The following FN1 variants were observed in gnomAD, a reference collection of about 807,000 sequenced individuals.
FN1 encodes the protein fibronectin.
In FN1, 106 loss-of-function variants were observed where a neutral mutation model predicts 297.3. The ratio of observed to expected loss-of-function variants is 0.36; its 90% CI spans 0.30 to 0.42. The LOEUF is 0.42. Ranked by LOEUF, FN1 falls within the 10% of genes least tolerant of loss-of-function variation. FN1 has a pLI of 1.00. For synonymous variants in FN1, 1,149 were observed against 1,152.6 expected, an observed-to-expected ratio of 1.00 and a Z score of 0.06; for missense variants, 2,690 against 3,124.9, an observed-to-expected ratio of 0.86 and a Z score of 3.32.
At chr2:215,415,021 G>A in intron 12 of FN1, 63 bp from the exon 13 acceptor site, 1 of 1,261,478 alleles carries the variant, frequency 7.9e-7, no homozygotes, top group Non-Finnish European at 1.2e-6. Flanking sequence ...TTAAAACTGT[G>A]TACATGGACA....
At chr2:215,399,908 C>T (rs189348939) in intron 20 of FN1, among the ~76,000 whole-genome samples, 9 of 152,134 alleles carry the variant, frequency 5.9e-5, no homozygotes, top group Admixed American at 2.6e-4. Context: ...TTATGCTGGG[C>T]GGGGATCGGT....
intron 36 of FN1, 84 bp downstream of exon 36, chr2:215,376,414 G>T (rs1034790195): frequency 8.3e-7 from 1 of 1,207,334 alleles, no homozygotes; most frequent in Non-Finnish European, 1.2e-6. Context: ...AATTTTATCA[G>T]TGTCAGTCGT....
At chr2:215,392,068 C>A in intron 25 of FN1, 2 of 467,974 alleles carry the variant, frequency 4.3e-6, no homozygotes, top group East Asian at 8.2e-5. Context: ...AATCTACTTT[C>A]AAATATGTTG....
Position 215,408,311 on chromosome 2 carries a change from A to G in FN1, c.2415T>C (p.Thr805=). 2 of 1,614,220 alleles carry G rather than the reference A, an allele frequency of 1.2e-6. No homozygotes were observed. The highest frequency in any genetic ancestry group is 1.7e-6 in the Non-Finnish European group (2 of 1,180,032). ...EDGEQSLILS[T]SQTTAPDAPP... The stretch of plus-strand genomic sequence containing the variant: ...GCACACATGTACCTGTTGTTTGTGA[A>G]GTAGACAGGATCAAACTCTGCTCCC... The change falls in exon 16 of 46, where the codon ACT becomes ACC. Residue 805 remains threonine (T), a synonymous_variant. Transcript: ENST00000354785.
chr2:215,390,804 CATT>C (rs2059628267), intron 26 of FN1, among the ~76,000 whole-genome samples: 1 of 152,150 alleles, frequency 6.6e-6, no homozygotes, highest in South Asian at 2.1e-4. Flanking sequence ...CTTTGTGTTT[CATT>C]ATCTAAATTA....
At chr2:215,380,753 C>G in intron 33 of FN1, 58 bp downstream of exon 33, 1 of 1,589,624 alleles carries the variant, frequency 6.3e-7, no homozygotes. Flanking sequence ...ATAATTCATT[C>G]AGTAGGGCAT....
intron 40 of FN1, 25 bp from the exon 41 acceptor site, chr2:215,370,457 CAG>C (rs1246062705): frequency 2.5e-6 from 4 of 1,605,704 alleles, no homozygotes; most frequent in South Asian, 1.1e-5. Context: ...ACATCCAAAG[CAG>C]AGAGAAAGCA....
At chr2:215,364,045 C>T (rs542866816) in intron 44 of FN1, among the ~76,000 whole-genome samples, 63 of 152,334 alleles carry the variant, frequency 4.1e-4, no homozygotes, top group African/African-American at 1.4e-3. Context: ...CATCGTAAAC[C>T]TCAGCCAGTT....
At chr2:215,392,438 T>G (rs1170732384) in intron 25 of FN1, 1 of 189,100 alleles carries the variant, frequency 5.3e-6, no homozygotes, top group Non-Finnish European at 1.1e-5. Context: ...AGTTTACTTT[T>G]CTCCTACCTC....
chr2:215,379,411 G>A, intron 33 of FN1, 94 bp from the exon 34 acceptor site: 1 of 1,145,992 alleles, frequency 8.7e-7, no homozygotes, highest in Non-Finnish European at 1.3e-6. Flanking sequence ...GATTGTTCTT[G>A]TTGGGCTAGG....
Position 215,369,297 on chromosome 2 carries a change from G to A in FN1, c.6853+997C>T, listed in dbSNP as rs554311483. Among the ~76,000 whole-genome samples the A allele has an allele frequency of 2.0e-5, 3 of 150,882 alleles. No homozygotes were observed. The South Asian group carries it at 6.3e-4, about 32-fold the overall frequency. On this transcript the variant is annotated intron_variant, in intron 41 of 45. Coordinates refer to ENST00000354785, the MANE Select transcript of FN1 (RefSeq NM_212482.4). The stretch of plus-strand genomic sequence containing the variant: ...ATTCTGTTCACGTGGCATTCTACTA[G>A]TAAAACCACAAAAGGCAAAGATAAG...
chr2:215,367,617 A>G (rs2054893254), intron 42 of FN1: 1 of 521,694 alleles, frequency 1.9e-6, no homozygotes, highest in Admixed American at 3.2e-5. Context: ...AATTAGCACC[A>G]TAATCTTATG....
intron 26 of FN1, 47 bp from the exon 27 acceptor site, chr2:215,388,348 G>A: frequency 2.2e-6 from 3 of 1,383,798 alleles, no homozygotes; most frequent in Admixed American, 1.7e-5. Flanking sequence ...TCAAAAGCAT[G>A]AGAAACTAAA....
chr2:215,425,389 CTA>C lies in FN1; in HGVS notation c.845-106_845-105del, dbSNP rs1445798303. On this transcript the variant is annotated intron_variant, in intron 6 of 45. Coordinates refer to ENST00000354785, the MANE Select transcript of FN1 (RefSeq NM_212482.4). Reference sequence around the variant, plus strand: ...GATCTCACAGAGATCACTCTGAAATCTATGTCGCTACTGGCCTGGGACTGGAA... The same window carrying C: ...GATCTCACAGAGATCACTCTGAAATCTGTCGCTACTGGCCTGGGACTGGAA... 2.6e-6 allele frequency: 3 copies of C among 1,164,388 alleles called. No homozygotes were observed. In the African/African-American group the frequency reaches 4.5e-5, roughly 18 times the overall value. The allele number at this position is 1,164,388 out of a possible 1,614,324, so 72.1% of individuals were successfully genotyped here.
intron 38 of FN1, among the ~76,000 whole-genome samples, chr2:215,374,267 C>G (rs1224809154): frequency 3.3e-5 from 5 of 152,140 alleles, no homozygotes; most frequent in Non-Finnish European, 7.3e-5. Flanking sequence ...CCTGTTCCCC[C>G]CAATTCTAAA....
At chr2:215,396,996 T>G in intron 23 of FN1, 141 bp downstream of exon 23, 2 of 754,368 alleles carry the variant, frequency 2.7e-6, no homozygotes. Context: ...ATGATGTACA[T>G]CATGTACTGC....
Position 215,393,172 on chromosome 2 carries a change from A to G in FN1, c.3828T>C (p.Val1276=). The part of the protein sequence containing the change: ...EVPQLTDLSF[V]DITDSSIGLR... ...GGCCGATGCTTGAATCGGTTATATC[A>G]ACAAAGCTTAGGTCAGTGAGTTGGG... Residue 1276 remains valine, a synonymous_variant, in exon 25 of 46, where the codon GTT becomes GTC. Coordinates refer to ENST00000354785, the MANE Select transcript of FN1 (RefSeq NM_212482.4). 6.2e-7 allele frequency: 1 copy of G among 1,614,012 alleles called. No individual in the cohort carries two copies. Among genetic ancestry groups the G allele is most frequent in the Non-Finnish European group, 8.5e-7 (1 of 1,179,990 alleles).
intron 40 of FN1, 61 bp from the exon 41 acceptor site, chr2:215,370,493 T>A: frequency 1.4e-6 from 2 of 1,383,136 alleles, no homozygotes; most frequent in Non-Finnish European, 2.0e-6. Flanking sequence ...TGACACGGGC[T>A]CTCCTCTTAC....
chr2:215,365,035 C>T, intron 43 of FN1, 50 bp from the exon 44 acceptor site: 1 of 1,177,328 alleles, frequency 8.5e-7, no homozygotes, highest in Non-Finnish European at 1.2e-6. Flanking sequence ...AACAATACTG[C>T]AGACTTGATC....
Sources: gnomAD v4.1 joint callset for allele counts (sites outside exome capture counted in the v4.1 genomes callset) on GRCh38, gnomAD v4.1.1 for gene constraint, MANE v1.5 for transcripts, NCBI Gene and HGNC (gene_info 2026-07-23, HGNC 2026-07-21) for gene names.